TNC: variants seen among roughly 807,000 people sequenced by gnomAD.
The protein encoded by TNC is tenascin.
TNC carries 109 observed loss-of-function variants against 202.4 expected under a neutral mutation model. The observed-to-expected ratio is 0.54, with a 90% confidence interval of 0.46 to 0.63. TNC has a LOEUF of 0.63. Ranked by LOEUF, TNC falls within the 30% of genes least tolerant of loss-of-function variation. The pLI is 0.00. For missense variants in TNC, 2,756 were observed against 2,833.3 expected, an observed-to-expected ratio of 0.97 and a Z score of 0.62; for synonymous variants, 1,007 against 1,089.7, an observed-to-expected ratio of 0.92 and a Z score of 1.50.
chr9:115,036,966 C>G (rs1830380984), intron 20 of TNC, among the ~76,000 whole-genome samples: 1 of 152,184 alleles, frequency 6.6e-6, no homozygotes, highest in Admixed American at 6.5e-5. Context: ...CTCTTCTGAA[C>G]CAAGCCCCTT....
In TNC at chr9:115,078,088, T is replaced by C; in HGVS notation, c.2529A>G (p.Pro843=). 1 of 1,614,146 alleles carries C rather than the reference T, an allele frequency of 6.2e-7. No individual in the cohort carries two copies. Among genetic ancestry groups the C allele is most frequent in the Non-Finnish European group, 8.5e-7 (1 of 1,180,016 alleles). ...TGAGATCGATGGTGGTACGGTCTCC[T>C]GGCACGTCTTTGATGCCGTAGGTCA... is the stretch of plus-strand genomic sequence containing the variant. ...IELTYGIKDV[P]GDRTTIDLTE... The change falls in exon 7 of 28, where the codon CCA becomes CCG. Residue 843 remains proline (P), a synonymous_variant. Transcript: ENST00000350763.
At chr9:115,043,996 T>A (rs1830976921) in intron 17 of TNC, among the ~76,000 whole-genome samples, 2 of 152,292 alleles carry the variant, frequency 1.3e-5, no homozygotes, top group African/African-American at 4.8e-5. Flanking sequence ...AATTCTATTT[T>A]CCAGATGAAG....
At chr9:115,090,228 C>T (rs1458311455) in intron 2 of TNC, among the ~76,000 whole-genome samples, 3 of 152,026 alleles carry the variant, frequency 2.0e-5, no homozygotes, top group South Asian at 2.1e-4. Context: ...AATTTCATGG[C>T]GTACTCATAG....
At chr9:115,030,769 A>G (rs1479310174) in intron 23 of TNC, among the ~76,000 whole-genome samples, 1 of 152,254 alleles carries the variant, frequency 6.6e-6, no homozygotes, top group African/African-American at 2.4e-5. Context: ...AGATGTGTGC[A>G]GAATGACTGT....
At chr9:115,068,088 A>G (rs1165955415) in intron 10 of TNC, among the ~76,000 whole-genome samples, 1 of 152,230 alleles carries the variant, frequency 6.6e-6, no homozygotes, top group African/African-American at 2.4e-5. Context: ...AATAGTTGAG[A>G]TGAGGACCAA....
rs1025599051 is a variant in TNC at position 115,102,122 on chromosome 9, G to T, written c.-136-10968C>A. On this transcript the variant is annotated intron_variant, in intron 1 of 27. Transcript: ENST00000350763. Reference sequence around the variant, plus strand: ...AACTGAGGCATAGAGTCTTTACATGGCTTGTGCAAGTTCAGACATTATTAA... The same window carrying T: ...AACTGAGGCATAGAGTCTTTACATGTCTTGTGCAAGTTCAGACATTATTAA... Among the ~76,000 whole-genome samples the T allele has an allele frequency of 2.6e-5, 4 of 152,106 alleles. No homozygotes were observed. The South Asian group carries it at 8.3e-4, about 32-fold the overall frequency.
chr9:115,024,818 A>T (rs1251101032), intron 26 of TNC, among the ~76,000 whole-genome samples: 1 of 152,192 alleles, frequency 6.6e-6, no homozygotes, highest in African/African-American at 2.4e-5. Flanking sequence ...TGGAAATCTA[A>T]TTTGTAATTT....
chr9:115,087,527 G>GGTGT lies in TNC; in HGVS notation c.458-258_458-255dup, dbSNP rs57327715. Among the ~76,000 whole-genome samples the GGTGT allele has an allele frequency of 9.8e-3, 1,461 of 148,772 alleles. 20 individuals are homozygous for GGTGT. Among genetic ancestry groups the GGTGT allele is most frequent in the East Asian group, 0.032 (158 of 4,870 alleles). On this transcript the variant is annotated intron_variant, in intron 2 of 27. Transcript: ENST00000350763. ...AAAACAGTGTGTGATTATGCATAGG[G>GGTGT]GTGTGTGTGTGTGTGTGTGTGTGTG... is the stretch of plus-strand genomic sequence containing the variant.
At chr9:115,043,729 C>T (rs919173474) in intron 17 of TNC, among the ~76,000 whole-genome samples, 1 of 130,258 alleles carries the variant, frequency 7.7e-6, no homozygotes, top group Non-Finnish European at 1.6e-5. Context: ...ATGAGTCTAA[C>T]TGGGAAAAAA....
chr9:115,100,594 G>A (rs949411647), intron 1 of TNC, among the ~76,000 whole-genome samples: 2 of 152,166 alleles, frequency 1.3e-5, no homozygotes, highest in Admixed American at 6.5e-5. Context: ...CAAGGAATTC[G>A]ATTAAGATCT....
intron 17 of TNC, 68 bp from the exon 18 acceptor site, chr9:115,042,409 T>A: frequency 6.3e-7 from 1 of 1,582,276 alleles, no homozygotes; most frequent in Non-Finnish European, 8.6e-7. Context: ...TGGTTCTTCC[T>A]GAATTCCTTA....
At position 115,022,977 on chromosome 9, in the gene TNC, G is replaced by A. The variant is rs1326530460; in HGVS notation, c.6495+996C>T. ...CAACACCTGCTGCATGTCAGGAATCGCTTGTGGAGTCTATCAACTGCCTCC... is the reference window on the plus strand; with the variant it reads ...CAACACCTGCTGCATGTCAGGAATCACTTGTGGAGTCTATCAACTGCCTCC... On this transcript the variant is annotated intron_variant, in intron 27 of 27. Transcript: ENST00000350763. 3.3e-5 allele frequency among the ~76,000 whole-genome samples: 5 copies of A among 150,194 alleles called. No homozygotes were observed. The East Asian group carries it at 5.9e-4, about 18-fold the overall frequency.
At chr9:115,040,068 G>A (rs1055417245) in intron 19 of TNC, among the ~76,000 whole-genome samples, 1 of 152,196 alleles carries the variant, frequency 6.6e-6, no homozygotes, top group Non-Finnish European at 1.5e-5. Flanking sequence ...ATGGCTGTCT[G>A]AAGAGAAATT....
chr9:115,072,213 G>A (rs1433381365), intron 10 of TNC, among the ~76,000 whole-genome samples: 1 of 152,190 alleles, frequency 6.6e-6, no homozygotes, highest in African/African-American at 2.4e-5. Flanking sequence ...CTCCTCTTTG[G>A]GAGTTTTGGT....
intron 22 of TNC, among the ~76,000 whole-genome samples, chr9:115,034,306 T>C (rs1444386722): frequency 6.6e-6 from 1 of 152,212 alleles, no homozygotes; most frequent in Non-Finnish European, 1.5e-5. Flanking sequence ...ACTTGCCCAA[T>C]CATTCTGCAG....
chr9:115,051,969 A>C (rs1360700505), intron 15 of TNC, among the ~76,000 whole-genome samples: 2 of 151,862 alleles, frequency 1.3e-5, no homozygotes, highest in African/African-American at 4.8e-5. Context: ...TATCATGAGT[A>C]ATGTATTGTA....
intron 22 of TNC, 152 bp downstream of exon 22, chr9:115,035,052 G>T: frequency 2.6e-6 from 2 of 762,698 alleles, no homozygotes; most frequent in Non-Finnish European, 3.9e-6. Context: ...TGATTCAGAA[G>T]GTCTGGCATG....
rs1180536647 is a variant in TNC at position 115,035,248 on chromosome 9, T to C, written c.5743A>G (p.Thr1915Ala). 1.9e-6 allele frequency: 3 copies of C among 1,613,502 alleles called. No homozygotes were observed. In the Admixed American group the frequency reaches 5.0e-5, roughly 27 times the overall value. The part of the protein sequence containing the change: ...LTWRPPRASV[T>A]GYLLVYESVD... ...GATTCATAGACCAGCAGGTAACCGG[T>C]GACTGATGCCCGGGGGGGTCGCCAG... Residue 1915 changes from threonine to alanine, a missense_variant, in exon 22 of 28, where the codon ACC becomes GCC. Around this residue, in one of 2 missense-constraint regions of TNC, gnomAD observed 2,559 missense variants for 2,546.0 expected, o/e 1.01. Coordinates refer to ENST00000350763, the MANE Select transcript of TNC (RefSeq NM_002160.4).
intron 2 of TNC, 59 bp from the exon 3 acceptor site, chr9:115,087,332 C>T: frequency 6.5e-7 from 1 of 1,544,848 alleles, no homozygotes; most frequent in Non-Finnish European, 8.8e-7. Flanking sequence ...TTTTCTGTAT[C>T]TACCCAGGGC....
Sources: gnomAD v4.1 joint callset for allele counts (sites outside exome capture counted in the v4.1 genomes callset) on GRCh38, gnomAD v4.1.1 for gene constraint, gnomAD v4.1.1 regional missense constraint, MANE v1.5 for transcripts, NCBI Gene and HGNC (gene_info 2026-07-23, HGNC 2026-07-21) for gene names.